UNC13B: variants seen among roughly 807,000 people sequenced by gnomAD.
UNC13B encodes unc-13 homolog B, also known as protein unc-13 homolog B.
Under a neutral mutation model 211.0 loss-of-function variants are expected in UNC13B, and 144 were observed. The ratio of observed to expected loss-of-function variants is 0.68; its 90% CI spans 0.60 to 0.78. The LOEUF (loss-of-function observed/expected upper bound fraction) is 0.78, where lower values mean the gene tolerates loss of function less well. Ranked by LOEUF, UNC13B falls within the 30% of genes least tolerant of loss-of-function variation. The pLI, the probability that UNC13B is intolerant of heterozygous loss-of-function variation, is 0.00. For missense variants in UNC13B, 1,777 were observed against 2,002.0 expected (o/e 0.89, Z 2.14); for synonymous variants, 709 against 725.8 (o/e 0.98, Z 0.37).
At chr9:35,233,317 G>A (rs1250964263) in intron 3 of UNC13B, among the ~76,000 whole-genome samples, 1 of 152,148 alleles carries the variant, frequency 6.6e-6, no homozygotes, top group Non-Finnish European at 1.5e-5. Flanking sequence ...TTATTCTTAT[G>A]TGTTTATTTT....
chr9:35,331,619 T>C (rs1831373893), intron 11 of UNC13B, among the ~76,000 whole-genome samples: 1 of 152,172 alleles, frequency 6.6e-6, no homozygotes, highest in Non-Finnish European at 1.5e-5. Context: ...TGTAAGACAT[T>C]TTCCTATTCT....
intron 11 of UNC13B, among the ~76,000 whole-genome samples, chr9:35,327,302 C>T (rs1831072507): frequency 6.6e-6 from 1 of 152,126 alleles, no homozygotes; most frequent in Admixed American, 6.5e-5. Context: ...GGTGAAGTCC[C>T]ATGCATGATA....
intron 1 of UNC13B, among the ~76,000 whole-genome samples, chr9:35,192,401 G>C (rs1201058978): frequency 2.6e-5 from 4 of 152,154 alleles, no homozygotes; most frequent in Non-Finnish European, 5.9e-5. Flanking sequence ...GCCTTCTGCA[G>C]AACTGCCTGT....
At chr9:35,175,930 G>A (rs1821605146) in intron 1 of UNC13B, among the ~76,000 whole-genome samples, 1 of 151,042 alleles carries the variant, frequency 6.6e-6, no homozygotes. Flanking sequence ...GGAGGCCAAG[G>A]CAGGAGAAAT....
intron 37 of UNC13B, among the ~76,000 whole-genome samples, chr9:35,402,282 CTTTTTTT>C (rs1168729927): frequency 7.3e-6 from 1 of 136,884 alleles, no homozygotes; most frequent in Non-Finnish European, 1.6e-5. Flanking sequence ...TTCTTTTTTT[CTTTTTTT>C]TTTTTTTTTT....
At position 35,307,437 on chromosome 9, in the gene UNC13B, C is replaced by G. The variant is rs1422149847; in HGVS notation, c.8033C>G (p.Pro2678Arg). The G allele has an allele frequency of 7.5e-6, 3 of 399,072 alleles. No individual in the cohort carries two copies. Among genetic ancestry groups the G allele is most frequent in the Non-Finnish European group, 1.3e-5 (3 of 226,246 alleles). The allele number at this position is 399,072 out of a possible 1,614,324, so 24.7% of individuals were successfully genotyped here. The stretch of plus-strand genomic sequence containing the variant: ...ATTCAGCCACCTCTTCCTCTTGAGC[C>G]AGAGCCAGCTATTCAAACTGCCTCC... ...PPIQPPLPLE[P>R]EPAIQTASTN... is the part of the protein sequence containing the mutation. Residue 2678 changes from proline to arginine, a missense_variant, in exon 9 of 40, where the codon CCA becomes CGA. Pro to Arg is a moderately radical substitution (Grantham distance 103). Transcript: ENST00000635942.
chr9:35,316,239 C>G (rs958711769), intron 11 of UNC13B, among the ~76,000 whole-genome samples: 7 of 152,112 alleles, frequency 4.6e-5, no homozygotes, highest in Non-Finnish European at 8.8e-5. Flanking sequence ...AGTTGGCACT[C>G]TATTTTTAGG....
At chr9:35,186,811 G>C (rs965885684) in intron 1 of UNC13B, among the ~76,000 whole-genome samples, 16 of 152,038 alleles carry the variant, frequency 1.1e-4, no homozygotes, top group African/African-American at 3.4e-4. Context: ...GTGCCATCTT[G>C]TCTGCTCCTT....
chr9:35,302,777 T>G lies in UNC13B; in HGVS notation c.3373T>G (p.Leu1125Val). 1 of 398,638 alleles carries G rather than the reference T, an allele frequency of 2.5e-6. No homozygotes were observed. The highest frequency in any genetic ancestry group is 4.4e-6 in the Non-Finnish European group (1 of 225,758). The allele number at this position is 398,638 out of a possible 1,614,324, so 24.7% of individuals were successfully genotyped here. A position where few individuals can be genotyped will look rare whatever the true frequency, so the allele number is the denominator to read the frequency against. Residue 1125 changes from leucine (L) to valine (V), a missense_variant, in exon 9 of 40, where the codon TTG becomes GTG. By Grantham distance (32) the Leu-to-Val change is conservative. Coordinates refer to ENST00000635942, the MANE Select transcript of UNC13B (RefSeq NM_001371189.2). Reference sequence around the variant, plus strand: ...TATTTCTACCACTTCCAAATCCACTTTGGTTAATGAAATTAATGAAGATGA... The same window carrying G: ...TATTTCTACCACTTCCAAATCCACTGTGGTTAATGAAATTAATGAAGATGA... ...ECISTTSKST[L>V]VNEINEDEVI... is the part of the protein sequence containing the mutation.
chr9:35,192,382 A>G (rs1314381721), intron 1 of UNC13B, among the ~76,000 whole-genome samples: 2 of 152,132 alleles, frequency 1.3e-5, no homozygotes, highest in South Asian at 4.1e-4. Flanking sequence ...TACATTTCCA[A>G]AATTCTCTGC....
chr9:35,335,088 A>G (rs1284049489), intron 11 of UNC13B, among the ~76,000 whole-genome samples: 5 of 152,202 alleles, frequency 3.3e-5, no homozygotes, highest in Non-Finnish European at 7.3e-5. Flanking sequence ...GGCCCTAAGT[A>G]ACTGATTGCA....
Position 35,307,898 on chromosome 9 carries a change from T to G in UNC13B, c.8494T>G (p.Ser2832Ala), listed in dbSNP as rs1830004731. The G allele has an allele frequency of 2.5e-6, 1 of 398,862 alleles. No individual in the cohort carries two copies. The highest frequency in any genetic ancestry group is 2.1e-5 in the African/African-American group (1 of 48,622). 24.7% of individuals were successfully genotyped at this position (398,862 alleles called of 1,614,324 possible). A position where few individuals can be genotyped will look rare whatever the true frequency, so the allele number is the denominator to read the frequency against. ...EGKGSVLASD[S>A]KLGFGKVDLS... ...GAAAGGGAGTGTATTAGCAAGTGAT[T>G]CAAAACTAGGATTTGGAAAGGTAGA... is the stretch of plus-strand genomic sequence containing the variant. The change falls in exon 9 of 40, where the codon TCA (serine) becomes GCA (alanine). Residue 2832 changes from serine (S) to alanine (A), a missense_variant. Coordinates refer to ENST00000635942, the MANE Select transcript of UNC13B (RefSeq NM_001371189.2).
At chr9:35,337,342 G>A (rs911556277) in intron 11 of UNC13B, among the ~76,000 whole-genome samples, 3 of 152,140 alleles carry the variant, frequency 2.0e-5, no homozygotes, top group Non-Finnish European at 4.4e-5. Flanking sequence ...ATAGATTATG[G>A]CAGAGGCACA....
chr9:35,257,355 TTATATAAATATTTATAAAATATTTATA>T (rs1237156348), intron 6 of UNC13B, among the ~76,000 whole-genome samples: 1 of 6,694 alleles, frequency 1.5e-4, no homozygotes, highest in Non-Finnish European at 3.4e-4. Flanking sequence ...ATAAAAATAT[TTATATAAATATTTATAAAATATTTATA>T]TAAATATTTA....
chr9:35,289,009 T>A (rs989538316), intron 7 of UNC13B, among the ~76,000 whole-genome samples: 7 of 152,150 alleles, frequency 4.6e-5, no homozygotes, highest in African/African-American at 1.7e-4. Context: ...GGAGGGTTTT[T>A]TTTTTTTGCC....
chr9:35,220,944 G>C (rs755393599), intron 1 of UNC13B, among the ~76,000 whole-genome samples: 5 of 152,114 alleles, frequency 3.3e-5, no homozygotes, highest in Non-Finnish European at 5.9e-5. Context: ...TTGGATAAAA[G>C]CCATTTTAAC....
intron 6 of UNC13B, among the ~76,000 whole-genome samples, chr9:35,249,585 T>C (rs1453239697): frequency 6.6e-6 from 1 of 152,206 alleles, no homozygotes; most frequent in Non-Finnish European, 1.5e-5. Context: ...TGCTTGTCTG[T>C]AAAGTATTTT....
chr9:35,171,929 T>C (rs903106782), intron 1 of UNC13B, among the ~76,000 whole-genome samples: 29 of 152,250 alleles, frequency 1.9e-4, no homozygotes, highest in African/African-American at 7.0e-4. Context: ...TAAACATAAA[T>C]TAAAATTTCT....
chr9:35,201,081 C>G (rs1823256017), intron 1 of UNC13B, among the ~76,000 whole-genome samples: 1 of 152,078 alleles, frequency 6.6e-6, no homozygotes, highest in Non-Finnish European at 1.5e-5. Context: ...TTTTCTGCAT[C>G]TATTGAGATA....
Sources: gnomAD v4.1 joint callset for allele counts (sites outside exome capture counted in the v4.1 genomes callset) on GRCh38, gnomAD v4.1.1 for gene constraint, MANE v1.5 for transcripts, NCBI Gene and HGNC (gene_info 2026-07-23, HGNC 2026-07-21) for gene names.